WSCD2: variants seen among roughly 807,000 people sequenced by gnomAD.
The protein encoded by WSCD2 is WSC domain sialate O sulfotransferase 2, also known as sialate:O-sulfotransferase 2.
WSCD2 carries 28 observed loss-of-function variants against 55.7 expected under a neutral mutation model. The observed-to-expected ratio is 0.50, with a 90% CI of 0.37 to 0.69. The LOEUF (loss-of-function observed/expected upper bound fraction) is 0.69. Among genes scored for constraint, WSCD2 ranks in the 30% least tolerant of loss-of-function variants. WSCD2 has a pLI of 0.00. For missense variants in WSCD2, 616 were observed against 762.1 expected (o/e 0.81, Z 2.26); for synonymous variants, 301 against 301.9 (o/e 1.00, Z 0.03).
chr12:108,205,982 G>T (rs914123989), intron 2 of WSCD2, among the ~76,000 whole-genome samples: 1 of 152,214 alleles, frequency 6.6e-6, no homozygotes, highest in African/African-American at 2.4e-5. Context: ...GAAATAGGAA[G>T]CTCTGTTTGG....
intron 3 of WSCD2, among the ~76,000 whole-genome samples, chr12:108,207,640 G>T (rs1885584740): frequency 6.7e-6 from 1 of 149,250 alleles, no homozygotes. Flanking sequence ...GCCCACCTCG[G>T]CTTCCCAAAG....
At chr12:108,177,172 C>T (rs537281097) in intron 1 of WSCD2, among the ~76,000 whole-genome samples, 1 of 152,072 alleles carries the variant, frequency 6.6e-6, no homozygotes, top group South Asian at 2.1e-4. Context: ...GTGTTTCTCA[C>T]TGGTAATATT....
chr12:108,205,376 A>T (rs1046836434), intron 2 of WSCD2, among the ~76,000 whole-genome samples: 10 of 152,372 alleles, frequency 6.6e-5, no homozygotes, highest in African/African-American at 2.4e-4. Flanking sequence ...TAAAGCACTT[A>T]CCAAAGTGAA....
intron 1 of WSCD2, among the ~76,000 whole-genome samples, chr12:108,132,318 T>C (rs1354365421): frequency 6.6e-6 from 1 of 152,182 alleles, no homozygotes; most frequent in Non-Finnish European, 1.5e-5. Context: ...TTTGCTTTCA[T>C]GGTAGAGTAA....
chr12:108,171,845 G>A (rs1880287448), intron 1 of WSCD2: 1 of 152,038 alleles, frequency 6.6e-6, no homozygotes, highest in African/African-American at 2.4e-5. Context: ...GTAAATATTT[G>A]GGAAGAATTT....
chr12:108,213,190 A>G (rs1201216817), intron 4 of WSCD2, among the ~76,000 whole-genome samples: 1 of 152,222 alleles, frequency 6.6e-6, no homozygotes, highest in Non-Finnish European at 1.5e-5. Context: ...TTTCCATCTC[A>G]TGGGGCAACA....
At chr12:108,141,644 A>G (rs999069084) in intron 1 of WSCD2, among the ~76,000 whole-genome samples, 1 of 152,184 alleles carries the variant, frequency 6.6e-6, no homozygotes, top group African/African-American at 2.4e-5. Context: ...CATTGGGCCT[A>G]TTTGAGTAAT....
At chr12:108,146,012 C>A (rs1473210716) in intron 1 of WSCD2, among the ~76,000 whole-genome samples, 1 of 152,192 alleles carries the variant, frequency 6.6e-6, no homozygotes, top group Non-Finnish European at 1.5e-5. Context: ...AAGGTAGTTA[C>A]CTCGACTGGA....
At chr12:108,179,307 C>G (rs183560023) in intron 1 of WSCD2, among the ~76,000 whole-genome samples, 20 of 152,178 alleles carry the variant, frequency 1.3e-4, no homozygotes, top group African/African-American at 4.6e-4. Context: ...AACAAGCCCC[C>G]CAAAGGATTT....
intron 2 of WSCD2, among the ~76,000 whole-genome samples, chr12:108,200,796 T>C (rs899079409): frequency 1.1e-4 from 17 of 152,116 alleles, no homozygotes; most frequent in Non-Finnish European, 1.3e-4. Flanking sequence ...GGAAAGCATA[T>C]AGGTGAGCTT....
chr12:108,233,360 G>C (rs778358560), intron 7 of WSCD2, among the ~76,000 whole-genome samples: 1 of 152,140 alleles, frequency 6.6e-6, no homozygotes, highest in Non-Finnish European at 1.5e-5. Flanking sequence ...CGCTATGCAG[G>C]GTGCTCTATT....
intron 1 of WSCD2, among the ~76,000 whole-genome samples, chr12:108,173,888 C>A (rs1312854569): frequency 1.3e-5 from 2 of 149,548 alleles, no homozygotes; most frequent in East Asian, 3.9e-4. Context: ...TATCCTTGCC[C>A]TACCGGGTGA....
chr12:108,157,931 T>A (rs1878680672), intron 1 of WSCD2, among the ~76,000 whole-genome samples: 1 of 152,140 alleles, frequency 6.6e-6, no homozygotes, highest in Admixed American at 6.5e-5. Context: ...CAAATACAAA[T>A]GAATTCCTCT....
Position 108,224,824 on chromosome 12 carries a change from G to T in WSCD2, c.768G>T (p.Met256Ile). ...ALPVTAAMLN[M>I]SVDKCVDFCT... is the part of the protein sequence containing the mutation. ...CCGTGACAGCTGCCATGCTGAACAT[G>T]TCTGTGGACAAATGCGTGGACTTCT... The change falls in exon 5 of 9, where the codon ATG becomes ATT. Residue 256 changes from methionine to isoleucine, a missense_variant. Physicochemically the swap from Met to Ile is conservative, Grantham distance 10 (BLOSUM62 1). This residue lies in a region of WSCD2 where 374 missense variants were observed against 467.4 expected (regional missense o/e 0.80). Coordinates refer to ENST00000547525, the MANE Select transcript of WSCD2 (RefSeq NM_014653.4). 6.2e-7 allele frequency: 1 copy of T among 1,613,746 alleles called. No individual in the cohort carries two copies. Among genetic ancestry groups the T allele is most frequent in the Non-Finnish European group, 8.5e-7 (1 of 1,180,038 alleles).
At chr12:108,214,652 AG>A (rs1214863317) in intron 4 of WSCD2, among the ~76,000 whole-genome samples, 1 of 152,232 alleles carries the variant, frequency 6.6e-6, no homozygotes, top group African/African-American at 2.4e-5. Context: ...AAAGTTCATC[AG>A]AACGGGGCTC....
At chr12:108,223,523 A>G (rs1887752829) in intron 4 of WSCD2, among the ~76,000 whole-genome samples, 2 of 152,134 alleles carry the variant, frequency 1.3e-5, no homozygotes, top group Non-Finnish European at 2.9e-5. Context: ...CAATTATCTC[A>G]TTGCTAGACA....
intron 1 of WSCD2, among the ~76,000 whole-genome samples, chr12:108,137,434 C>T (rs1358769881): frequency 6.6e-6 from 1 of 152,190 alleles, no homozygotes; most frequent in Non-Finnish European, 1.5e-5. Flanking sequence ...CCTGATTTCC[C>T]AGGCCCTATA....
intron 1 of WSCD2, among the ~76,000 whole-genome samples, chr12:108,162,143 G>C (rs1258194728): frequency 1.3e-5 from 2 of 152,162 alleles, no homozygotes; most frequent in Non-Finnish European, 2.9e-5. Context: ...ACAGAATACT[G>C]GTGAGGGTGG....
At chr12:108,213,006 C>T (rs1176351996) in intron 4 of WSCD2, among the ~76,000 whole-genome samples, 1 of 152,144 alleles carries the variant, frequency 6.6e-6, no homozygotes, top group Admixed American at 6.5e-5. Context: ...AGAAGGGAGG[C>T]AGCTTGGACA....
Sources: gnomAD v4.1 joint callset for allele counts (sites outside exome capture counted in the v4.1 genomes callset) on GRCh38, gnomAD v4.1.1 for gene constraint, gnomAD v4.1.1 regional missense constraint, MANE v1.5 for transcripts, NCBI Gene and HGNC (gene_info 2026-07-23, HGNC 2026-07-21) for gene names.